MOCOS: variants seen among roughly 807,000 people sequenced by gnomAD.
MOCOS encodes the protein molybdenum cofactor sulfurase, also known as human molybdenum cofactor sulfurase.
A neutral mutation model predicts 83.6 loss-of-function variants in MOCOS; 86 were observed. The observed-to-expected ratio is 1.03, with a 90% CI of 0.86 to 1.23. The LOEUF is 1.23. Among genes scored for constraint, MOCOS ranks in the 50% most tolerant of loss-of-function variants. MOCOS has a pLI of 0.00. For synonymous variants in MOCOS, 445 were observed against 434.7 expected (o/e 1.02, Z -0.29); for missense variants, 1,120 against 1,126.9 (o/e 0.99, Z 0.09).
intron 11 of MOCOS, among the ~76,000 whole-genome samples, chr18:36,255,147 C>T (rs566965943): frequency 1.3e-5 from 2 of 152,290 alleles, no homozygotes; most frequent in South Asian, 2.1e-4. Flanking sequence ...GGTGGCTGGG[C>T]ACCCTGCCAT....
intron 9 of MOCOS, among the ~76,000 whole-genome samples, chr18:36,229,346 C>G (rs923961640): frequency 2.0e-5 from 3 of 151,870 alleles, no homozygotes; most frequent in Admixed American, 6.6e-5. Flanking sequence ...TTTGTCTGGC[C>G]TACAAAATTT....
At chr18:36,204,940 C>T (rs570578696) in intron 5 of MOCOS, 137 bp from the exon 6 acceptor site, 34 of 729,618 alleles carry the variant, frequency 4.7e-5, no homozygotes, top group Non-Finnish European at 6.8e-5. Flanking sequence ...CTGCAGTGAG[C>T]TGTGATCATA....
intron 4 of MOCOS, among the ~76,000 whole-genome samples, chr18:36,201,169 G>A (rs1424160879): frequency 6.6e-6 from 1 of 152,154 alleles, no homozygotes; most frequent in Non-Finnish European, 1.5e-5. Context: ...GGGCATAGAC[G>A]GGAAGGGCTT....
At chr18:36,198,544 G>A (rs2091399271) in intron 2 of MOCOS, 146 bp from the exon 3 acceptor site, 1 of 788,930 alleles carries the variant, frequency 1.3e-6, no homozygotes, top group African/African-American at 1.7e-5. Context: ...CATTTTTGAG[G>A]GATAGAAATC....
intron 6 of MOCOS, among the ~76,000 whole-genome samples, chr18:36,212,816 TCCTGAATTCAG>T (rs1234287469): frequency 1.3e-5 from 2 of 152,146 alleles, no homozygotes; most frequent in African/African-American, 4.8e-5. Context: ...TGACTCCTCC[TCCTGAATTCAG>T]CCTGAGCCCC....
At chr18:36,249,716 G>A (rs1010103903) in intron 10 of MOCOS, among the ~76,000 whole-genome samples, 22 of 152,132 alleles carry the variant, frequency 1.4e-4, no homozygotes, top group Middle Eastern at 3.2e-3. Flanking sequence ...GCTTGGACCA[G>A]GGTCAGAGAG....
intron 6 of MOCOS, among the ~76,000 whole-genome samples, chr18:36,211,722 G>A (rs1469127918): frequency 6.6e-6 from 1 of 152,116 alleles, no homozygotes; most frequent in African/African-American, 2.4e-5. Flanking sequence ...CAAAGGGTAA[G>A]TGTGGCTGCA....
At chr18:36,194,318 A>C (rs1471635425) in intron 1 of MOCOS, among the ~76,000 whole-genome samples, 2 of 152,220 alleles carry the variant, frequency 1.3e-5, no homozygotes, top group East Asian at 3.8e-4. Context: ...CCCATTCTAC[A>C]CAAAACAAAA....
At chr18:36,262,185 G>A (rs1348389737) in intron 13 of MOCOS, among the ~76,000 whole-genome samples, 1 of 146,994 alleles carries the variant, frequency 6.8e-6, no homozygotes, top group African/African-American at 2.5e-5. Flanking sequence ...GCTAATACAA[G>A]TATTAAAATA....
chr18:36,210,924 G>A (rs1055960541), intron 6 of MOCOS, among the ~76,000 whole-genome samples: 2 of 147,480 alleles, frequency 1.4e-5, no homozygotes, highest in African/African-American at 2.5e-5. Context: ...TGGTAGTGGA[G>A]AAGAAGCCTC....
At chr18:36,264,472 A>C (rs1451833939) in intron 13 of MOCOS, among the ~76,000 whole-genome samples, 1 of 152,140 alleles carries the variant, frequency 6.6e-6, no homozygotes, top group Non-Finnish European at 1.5e-5. Context: ...GGCGTTACAA[A>C]AGCCTCGTTC....
At chr18:36,191,338 A>G (rs909491786) in intron 1 of MOCOS, among the ~76,000 whole-genome samples, 3 of 152,248 alleles carry the variant, frequency 2.0e-5, no homozygotes, top group Admixed American at 6.5e-5. Context: ...AAGAATCACC[A>G]GGGAGCCTCC....
chr18:36,215,167 T>G (rs2091471004), intron 7 of MOCOS, among the ~76,000 whole-genome samples: 1 of 152,234 alleles, frequency 6.6e-6, no homozygotes, highest in Admixed American at 6.5e-5. Context: ...ACCTTGAGGT[T>G]GACCCCTTGG....
Position 36,250,164 on chromosome 18 carries a change from G to C in MOCOS, c.2040-995G>C, listed in dbSNP as rs182147893. 1.3e-3 allele frequency among the ~76,000 whole-genome samples: 199 copies of C among 152,172 alleles called. 2 individuals are homozygous for C. Among genetic ancestry groups the C allele is most frequent in the African/African-American group, 4.5e-3 (188 of 41,514 alleles). On this transcript the variant is annotated intron_variant, in intron 10 of 14. Transcript: ENST00000261326. ...TCACCCCCGCCCATATACTAAAACA[G>C]TTAACTATATAACACTTCACTAAAG... is the stretch of plus-strand genomic sequence containing the variant.
At chr18:36,241,859 C>A (rs944490790) in intron 9 of MOCOS, among the ~76,000 whole-genome samples, 1 of 152,242 alleles carries the variant, frequency 6.6e-6, no homozygotes, top group African/African-American at 2.4e-5. Flanking sequence ...CCTTCTGAAG[C>A]AATAGCCCAA....
chr18:36,242,961 A>G (rs2091589355), intron 9 of MOCOS, among the ~76,000 whole-genome samples: 1 of 152,002 alleles, frequency 6.6e-6, no homozygotes, highest in Non-Finnish European at 1.5e-5. Context: ...GCAGTGTTTT[A>G]TTGTTTTCCT....
Position 36,194,593 on chromosome 18 carries a change from T to C in MOCOS, c.143-664T>C, listed in dbSNP as rs144006869. On this transcript the variant is annotated intron_variant, in intron 1 of 14. Transcript: ENST00000261326. ...ATTGCTAGGTCAAAGGGTGTGTACA[T>C]TTTAAAGCATGAACTGATGTTGCCA... 2.0e-5 allele frequency among the ~76,000 whole-genome samples: 3 copies of C among 152,332 alleles called. No individual in the cohort carries two copies. In the East Asian group the frequency reaches 5.8e-4, roughly 29 times the overall value.
chr18:36,198,596 G>A, intron 2 of MOCOS, 94 bp from the exon 3 acceptor site: 2 of 1,266,558 alleles, frequency 1.6e-6, no homozygotes, highest in Non-Finnish European at 2.3e-6. Flanking sequence ...TTTATGTTGA[G>A]CTTTTTGAGA....
chr18:36,260,183 T>C lies in MOCOS; in HGVS notation c.2409+8T>C. The C allele has an allele frequency of 1.2e-6, 2 of 1,614,138 alleles. No individual in the cohort carries two copies. Among genetic ancestry groups the C allele is most frequent in the Non-Finnish European group, 8.5e-7 (1 of 1,179,986 alleles). Reference sequence around the variant, plus strand: ...GGCTCTTTGCGTTTCCAGGTAAGTTTGGGGAAGTTCTATTATCCTTCCTCC... The same window carrying C: ...GGCTCTTTGCGTTTCCAGGTAAGTTCGGGGAAGTTCTATTATCCTTCCTCC... On this transcript the variant is annotated splice_region_variant and intron_variant, in intron 13 of 14. Coordinates refer to ENST00000261326, the MANE Select transcript of MOCOS (RefSeq NM_017947.4).
Sources: gnomAD v4.1 joint callset for allele counts (sites outside exome capture counted in the v4.1 genomes callset) on GRCh38, gnomAD v4.1.1 for gene constraint, MANE v1.5 for transcripts, NCBI Gene and HGNC (gene_info 2026-07-23, HGNC 2026-07-21) for gene names.